ZNF438: variants seen among roughly 807,000 people sequenced by gnomAD.
ZNF438 encodes the protein zinc finger protein 438.
A neutral mutation model predicts 38.0 loss-of-function variants in ZNF438; 25 were observed. The ratio of observed to expected loss-of-function variants is 0.66; its 90% CI spans 0.48 to 0.92. The LOEUF (loss-of-function observed/expected upper bound fraction) is 0.92. Among genes scored for constraint, ZNF438 ranks in the 40% least tolerant of loss-of-function variants. The pLI is 0.00. For synonymous variants in ZNF438, 372 were observed against 364.1 expected, an observed-to-expected ratio of 1.02 and a Z score of -0.25; for missense variants, 1,007 against 999.6, an observed-to-expected ratio of 1.01 and a Z score of -0.10.
chr10:31,011,556 A>G (rs2055702104), intron 1 of ZNF438, among the ~76,000 whole-genome samples: 1 of 152,214 alleles, frequency 6.6e-6, no homozygotes, highest in Non-Finnish European at 1.5e-5. Flanking sequence ...CAAAAACAGG[A>G]AAGGGTGCGG....
chr10:30,901,926 T>A (rs904066355), intron 3 of ZNF438, among the ~76,000 whole-genome samples: 6 of 151,982 alleles, frequency 3.9e-5, no homozygotes, highest in Non-Finnish European at 8.8e-5. Context: ...TCGCTGTGAG[T>A]GTTACAGCTC....
At chr10:30,937,843 T>C (rs7918150) in intron 2 of ZNF438, among the ~76,000 whole-genome samples, 12,085 of 152,296 alleles carry the variant, frequency 0.079, 577 homozygotes, top group Non-Finnish European at 0.11. Flanking sequence ...AACACCAATT[T>C]GATCATGTCA....
intron 3 of ZNF438, among the ~76,000 whole-genome samples, chr10:30,904,820 C>T (rs2934639): frequency 0.78 from 118,432 of 151,818 alleles, 46,960 homozygotes; most frequent in African/African-American, 0.89. Flanking sequence ...CTAGATAACT[C>T]GGATTCATCC....
chr10:30,913,821 C>T (rs2043311319), intron 2 of ZNF438, among the ~76,000 whole-genome samples: 1 of 152,072 alleles, frequency 6.6e-6, no homozygotes, highest in Non-Finnish European at 1.5e-5. Context: ...CTTGTATCTC[C>T]AACCTCACAG....
intron 3 of ZNF438, among the ~76,000 whole-genome samples, chr10:30,889,061 A>T (rs1003943999): frequency 2.6e-5 from 4 of 152,194 alleles, no homozygotes; most frequent in African/African-American, 9.7e-5. Context: ...TATATATACA[A>T]TAATATCTAA....
chr10:30,863,671 C>T (rs181211615), intron 4 of ZNF438, among the ~76,000 whole-genome samples: 2 of 152,352 alleles, frequency 1.3e-5, no homozygotes, highest in African/African-American at 4.8e-5. Context: ...ACACAGCCCA[C>T]TGCTTCTCCT....
At chr10:30,922,202 C>T (rs1482570153) in intron 2 of ZNF438, among the ~76,000 whole-genome samples, 2 of 152,124 alleles carry the variant, frequency 1.3e-5, no homozygotes, top group Non-Finnish European at 2.9e-5. Flanking sequence ...CTGGAGATTT[C>T]AGTGAGCGCA....
At chr10:31,003,134 T>C (rs908410952) in intron 1 of ZNF438, among the ~76,000 whole-genome samples, 2 of 152,124 alleles carry the variant, frequency 1.3e-5, no homozygotes, top group African/African-American at 2.4e-5. Context: ...GAGCACACTA[T>C]TGCAAGTCTT....
intron 5 of ZNF438, among the ~76,000 whole-genome samples, chr10:30,845,920 C>T (rs1287105544): frequency 6.6e-6 from 1 of 152,184 alleles, no homozygotes; most frequent in Non-Finnish European, 1.5e-5. Context: ...CGGGAACACC[C>T]TCGGTTCTGT....
chr10:30,895,976 T>C (rs774999228), intron 3 of ZNF438, among the ~76,000 whole-genome samples: 8 of 152,144 alleles, frequency 5.3e-5, no homozygotes, highest in Non-Finnish European at 8.8e-5. Flanking sequence ...AATTACCATA[T>C]GGTCTAGCAA....
At chr10:30,878,452 C>T (rs181306286) in intron 3 of ZNF438, among the ~76,000 whole-genome samples, 1 of 152,124 alleles carries the variant, frequency 6.6e-6, no homozygotes, top group Middle Eastern at 3.2e-3. Flanking sequence ...GCTCCTCTCT[C>T]CACTGAGAGA....
intron 1 of ZNF438, among the ~76,000 whole-genome samples, chr10:30,974,472 A>G (rs1365029219): frequency 1.3e-5 from 2 of 152,210 alleles, no homozygotes; most frequent in Non-Finnish European, 2.9e-5. Flanking sequence ...AATCGTTTCA[A>G]GAAAACAAAA....
rs536866810 is a variant in ZNF438, at chr10:30,936,957, T to C, written c.-115+4618A>G. On this transcript the variant is annotated intron_variant, in intron 2 of 5. Coordinates refer to ENST00000413025, the Ensembl canonical transcript of ZNF438. ...AAACACATCAAAGAGATATGAAATG[T>C]TTCTCACCTGTGGTGAGACTTGGGA... Among the ~76,000 whole-genome samples, 5 of 152,328 alleles carry C rather than the reference T, an allele frequency of 3.3e-5. No individual in the cohort carries two copies. The South Asian group carries it at 1.0e-3, about 32-fold the overall frequency.
intron 1 of ZNF438, among the ~76,000 whole-genome samples, chr10:30,945,469 G>A (rs190239257): frequency 1.0e-4 from 15 of 149,450 alleles, no homozygotes; most frequent in East Asian, 5.9e-4. Context: ...AGTTACATAC[G>A]TATACATGTG....
chr10:30,981,101 G>A (rs1430341927), intron 1 of ZNF438, among the ~76,000 whole-genome samples: 2 of 152,174 alleles, frequency 1.3e-5, no homozygotes, highest in Admixed American at 6.5e-5. Flanking sequence ...CAGGAGGCAC[G>A]TGGAGAGCAT....
At chr10:30,925,163 A>T (rs1241358137) in intron 2 of ZNF438, among the ~76,000 whole-genome samples, 1 of 151,970 alleles carries the variant, frequency 6.6e-6, no homozygotes, top group African/African-American at 2.4e-5. Flanking sequence ...TTCCATTCCT[A>T]CATCTTTTCT....
chr10:30,983,585 T>C (rs1467886810), intron 1 of ZNF438, among the ~76,000 whole-genome samples: 2 of 152,188 alleles, frequency 1.3e-5, no homozygotes. Flanking sequence ...ACATGAGATT[T>C]GGGCAGGGAC....
At chr10:30,885,692 C>G (rs1040970115) in intron 3 of ZNF438, among the ~76,000 whole-genome samples, 5 of 152,280 alleles carry the variant, frequency 3.3e-5, no homozygotes, top group Admixed American at 3.3e-4. Context: ...GCCCCTCATC[C>G]CTTTCCCATG....
At chr10:30,974,600 C>A (rs943045488) in intron 1 of ZNF438, among the ~76,000 whole-genome samples, 4 of 152,172 alleles carry the variant, frequency 2.6e-5, no homozygotes, top group African/African-American at 4.8e-5. Flanking sequence ...TTACCTAATA[C>A]GAAGTCAGAA....
Sources: allele counts gnomAD v4.1 joint callset (sites outside exome capture counted in the v4.1 genomes callset), GRCh38; gene constraint gnomAD v4.1.1; transcripts MANE v1.5; gene names NCBI Gene and HGNC (gene_info 2026-07-23, HGNC 2026-07-21).